Variants in PCDHAC2 observed in about 807,000 individuals in gnomAD.
PCDHAC2 encodes the protein protocadherin alpha subfamily C, 2.
PCDHAC2 carries 24 observed loss-of-function variants against 63.3 expected under a neutral mutation model. The ratio of observed to expected loss-of-function variants is 0.38; its 90% CI spans 0.27 to 0.53. The LOEUF is 0.53. PCDHAC2 is among the 20% of genes least tolerant of loss of function. PCDHAC2 has a pLI of 0.81. For missense variants in PCDHAC2, 1,181 were observed against 1,275.2 expected, an observed-to-expected ratio of 0.93 and a Z score of 1.12; for synonymous variants, 569 against 529.4, an observed-to-expected ratio of 1.07 and a Z score of -1.03.
intron 3 of PCDHAC2, among the ~76,000 whole-genome samples, chr5:140,997,287 A>G (rs1011963664): frequency 2.0e-5 from 3 of 152,280 alleles, no homozygotes; most frequent in Admixed American, 1.3e-4. Context: ...TCACTTAACA[A>G]TGGGGATACA....
intron 3 of PCDHAC2, among the ~76,000 whole-genome samples, chr5:140,999,166 A>G (rs2097849848): frequency 6.6e-6 from 1 of 152,190 alleles, no homozygotes; most frequent in South Asian, 2.1e-4. Context: ...CTAGAAGGAA[A>G]AGAGCCTGAT....
Position 140,968,965 on chromosome 5 carries a change from C to T in PCDHAC2, c.2199C>T (p.Arg733=). The change falls in exon 1 of 4, where the codon CGC becomes CGT. Residue 733 remains arginine (R), a synonymous_variant. Transcript: ENST00000289269. The stretch of plus-strand genomic sequence containing the variant: ...TTTTGAGCATCATCAAGTGCTACCG[C>T]TACACTGCGTATGGCACTGCATGCT... The part of the protein sequence containing the change: ...IIILSIIKCY[R]YTAYGTACCG... The T allele has an allele frequency of 6.2e-7, 1 of 1,614,208 alleles. No individual in the cohort carries two copies. The highest frequency in any genetic ancestry group is 8.5e-7 in the Non-Finnish European group (1 of 1,180,048).
chr5:140,970,210 C>G (rs184537292), intron 1 of PCDHAC2, among the ~76,000 whole-genome samples: 1 of 152,190 alleles, frequency 6.6e-6, no homozygotes, highest in Non-Finnish European at 1.5e-5. Context: ...CTGAATTTAG[C>G]TTAAATGCAG....
In PCDHAC2 at chr5:141,010,127, T is replaced by A. The variant is rs1419190844; in HGVS notation, c.*190T>A. On this transcript the variant is annotated 3_prime_UTR_variant, in exon 4 of 4. Transcript: ENST00000289269. ...TTTGTCGTAAAAGCTTTACTAAGTC[T>A]GGTGTTAACTCTTTCTCTCCACTCT... The A allele has an allele frequency of 1.9e-6, 3 of 1,602,472 alleles. No individual in the cohort carries two copies. Among genetic ancestry groups the A allele is most frequent in the Non-Finnish European group, 2.6e-6 (3 of 1,173,756 alleles).
At chr5:140,969,765 G>T (rs1445266469) in intron 1 of PCDHAC2, among the ~76,000 whole-genome samples, 5 of 152,148 alleles carry the variant, frequency 3.3e-5, no homozygotes, top group Non-Finnish European at 7.3e-5. Flanking sequence ...AAGCTCTGAG[G>T]CCTCTAGGGG....
chr5:140,985,792 T>G (rs1043772430), intron 3 of PCDHAC2, among the ~76,000 whole-genome samples: 1 of 142,326 alleles, frequency 7.0e-6, no homozygotes. Flanking sequence ...CAGGCTGGAG[T>G]GCAGTGGCAC....
chr5:140,982,648 G>T, intron 3 of PCDHAC2, 85 bp downstream of exon 3: 5 of 1,508,154 alleles, frequency 3.3e-6, no homozygotes, highest in Non-Finnish European at 4.4e-6. Flanking sequence ...GAATGTTGAT[G>T]GCTCTTTTTC....
At chr5:141,005,861 C>T (rs921854027) in intron 3 of PCDHAC2, among the ~76,000 whole-genome samples, 2 of 151,860 alleles carry the variant, frequency 1.3e-5, no homozygotes, top group Admixed American at 6.6e-5. Flanking sequence ...ACAGGAGGGT[C>T]GATTGAGTCC....
chr5:140,978,794 T>A, intron 1 of PCDHAC2, 155 bp from the exon 2 acceptor site: 1 of 978,746 alleles, frequency 1.0e-6, no homozygotes, highest in Non-Finnish European at 1.2e-6. Flanking sequence ...GTGCTATATA[T>A]GTAGATATCA....
chr5:140,986,897 T>A (rs534075146), intron 3 of PCDHAC2, among the ~76,000 whole-genome samples: 13 of 152,086 alleles, frequency 8.5e-5, no homozygotes, highest in Non-Finnish European at 1.9e-4. Flanking sequence ...TTAGGCCCTA[T>A]CCTAGACTAA....
chr5:140,981,948 G>T (rs544785800), intron 2 of PCDHAC2, among the ~76,000 whole-genome samples: 26 of 152,230 alleles, frequency 1.7e-4, no homozygotes, highest in African/African-American at 6.0e-4. Context: ...TATAGGGTGG[G>T]TCATCTATGC....
At position 140,968,722 on chromosome 5, in the gene PCDHAC2, T is replaced by C. The variant is rs1379540261; in HGVS notation, c.1956T>C (p.Ser652=). ...IRTTRKMGDE[S]GSTFNLTVVV... is the part of the protein sequence containing the mutation. The stretch of plus-strand genomic sequence containing the variant: ...CTACCAGGAAGATGGGAGATGAGAG[T>C]GGTAGCACTTTCAACCTGACCGTGG... The change falls in exon 1 of 4, where the codon AGT becomes AGC. Residue 652 remains serine (S), a synonymous_variant. Coordinates refer to ENST00000289269, the MANE Select transcript of PCDHAC2 (RefSeq NM_018899.6). 1.2e-6 allele frequency: 2 copies of C among 1,613,846 alleles called. No homozygotes were observed. The highest frequency in any genetic ancestry group is 1.7e-5 in the Admixed American group (1 of 59,990).
In PCDHAC2 at chr5:140,966,984, G is replaced by A. The variant is rs1217682338; in HGVS notation, c.218G>A (p.Gly73Glu). 4.4e-6 allele frequency: 7 copies of A among 1,603,802 alleles called. No individual in the cohort carries two copies. In the Admixed American group the frequency reaches 5.0e-5, roughly 11 times the overall value. Reference sequence around the variant, plus strand: ...CTGGGGCTTGAGCTGCGGCGCTTGGGGCCGGGTTGCTTGCGCATCAACCAT... The same window carrying A: ...CTGGGGCTTGAGCTGCGGCGCTTGGAGCCGGGTTGCTTGCGCATCAACCAT... ...RALGLELRRL[G>E]PGCLRINHLG... Residue 73 changes from glycine (G) to glutamate (E), a missense_variant, in exon 1 of 4, where the codon GGG becomes GAG. By Grantham distance (98) the Gly-to-Glu change is moderately conservative (BLOSUM62 -2). Transcript: ENST00000289269.
chr5:141,004,094 G>A (rs962663466), intron 3 of PCDHAC2, among the ~76,000 whole-genome samples: 1 of 152,194 alleles, frequency 6.6e-6, no homozygotes, highest in Non-Finnish European at 1.5e-5. Context: ...TGCTTCTTCC[G>A]TTTTCATCTT....
chr5:140,995,113 A>T (rs560699104), intron 3 of PCDHAC2, among the ~76,000 whole-genome samples: 1 of 152,370 alleles, frequency 6.6e-6, no homozygotes, highest in East Asian at 1.9e-4. Flanking sequence ...CAAGACCCTC[A>T]GTGGATGCCT....
At chr5:140,978,805 T>G in intron 1 of PCDHAC2, 144 bp from the exon 2 acceptor site, 4 of 1,492,524 alleles carry the variant, frequency 2.7e-6, no homozygotes, top group Non-Finnish European at 3.6e-6. Flanking sequence ...GTAGATATCA[T>G]CATAGAGTTA....
intron 3 of PCDHAC2, among the ~76,000 whole-genome samples, chr5:140,983,234 G>C (rs1021819523): frequency 6.6e-6 from 1 of 152,196 alleles, no homozygotes; most frequent in Non-Finnish European, 1.5e-5. Context: ...TTTCAGGAAA[G>C]AGAACCTGCT....
At chr5:141,006,085 C>T (rs1588120524) in intron 3 of PCDHAC2, among the ~76,000 whole-genome samples, 1 of 148,094 alleles carries the variant, frequency 6.8e-6, no homozygotes, top group African/African-American at 2.5e-5. Context: ...ATTGAAGGGA[C>T]TTATGTATCA....
At chr5:140,987,050 C>G (rs781947211) in intron 3 of PCDHAC2, among the ~76,000 whole-genome samples, 34 of 151,840 alleles carry the variant, frequency 2.2e-4, no homozygotes, top group Non-Finnish European at 2.5e-4. Context: ...CCCATCTCTA[C>G]TAAAGTTACA....
Sources: gnomAD v4.1 joint callset for allele counts (sites outside exome capture counted in the v4.1 genomes callset) on GRCh38, gnomAD v4.1.1 for gene constraint, MANE v1.5 for transcripts, NCBI Gene and HGNC (gene_info 2026-07-23, HGNC 2026-07-21) for gene names.